Variants in BYSL observed in about 807,000 individuals in gnomAD.
BYSL encodes bystin like, also known as bystin.
In BYSL, 21 loss-of-function variants were observed where a neutral mutation model predicts 45.4. The observed-to-expected ratio is 0.46, with a 90% CI of 0.33 to 0.67. The LOEUF (loss-of-function observed/expected upper bound fraction) is 0.67. BYSL is among the 30% of genes least tolerant of loss of function. The pLI is 0.02. For missense variants in BYSL, 522 were observed against 578.5 expected, an observed-to-expected ratio of 0.90 and a Z score of 1.00; for synonymous variants, 215 against 231.3, an observed-to-expected ratio of 0.93 and a Z score of 0.64.
At chr6:41,931,647 T>C in intron 5 of BYSL, 81 bp from the exon 6 acceptor site, 2 of 1,606,970 alleles carry the variant, frequency 1.2e-6, no homozygotes, top group Non-Finnish European at 1.7e-6. Context: ...TAGCTGTCCC[T>C]GGGCTGGGTG....
upstream of BYSL, among the ~76,000 whole-genome samples, chr6:41,919,476 A>G (rs975413974): frequency 2.0e-5 from 3 of 152,118 alleles, no homozygotes; most frequent in African/African-American, 7.2e-5. Flanking sequence ...CTACTCTATC[A>G]GAAAAAAACA....
chr6:41,932,473 G>A lies in BYSL; in HGVS notation c.1081G>A (p.Val361Ile), dbSNP rs756504787. Residue 361 changes from valine (V) to isoleucine (I), a missense_variant, in exon 7 of 7, where the codon GTC (valine) becomes ATC (isoleucine). Val to Ile is a conservative substitution (Grantham distance 29). Coordinates refer to ENST00000230340, the MANE Select transcript of BYSL (RefSeq NM_004053.4). This position sits in a 1 kb window ranked among gnomAD's most constrained non-coding sequence, Gnocchi z 4.7. The part of the protein sequence containing the change: ...ALPYRVLDAL[V>I]FHFLGFRTEK... ...GCCTTACCGGGTGCTGGATGCCCTA[G>A]TCTTCCACTTCCTGGGGTTCCGGAC... 5.0e-6 allele frequency: 8 copies of A among 1,614,198 alleles called. No homozygotes were observed. The highest frequency in any genetic ancestry group is 6.8e-6 in the Non-Finnish European group (8 of 1,180,040).
chr6:41,930,570 TC>T, intron 3 of BYSL, 64 bp from the exon 4 acceptor site: 1 of 1,551,222 alleles, frequency 6.4e-7, no homozygotes, highest in African/African-American at 1.4e-5. Context: ...CCAGACAAGT[TC>T]CTAGCCCACA....
upstream of BYSL, chr6:41,920,731 AC>A: frequency 2.6e-6 from 1 of 380,244 alleles, no homozygotes. Flanking sequence ...AGATCGCTCC[AC>A]TGCACTCCAG....
chr6:41,930,184 G>T lies in BYSL; in HGVS notation c.484G>T (p.Val162Phe), dbSNP rs750910730. ...MEKLTEKQTE[V>F]ETVMSEVSGF... ...GAAGCTGACTGAGAAGCAGACAGAG[G>T]TTGAGACAGTCATGTCAGAGGTGTC... The change falls in exon 3 of 7, where the codon GTT becomes TTT. Residue 162 changes from valine to phenylalanine, a missense_variant. Val to Phe is a conservative substitution (Grantham distance 50, BLOSUM62 -1). Transcript: ENST00000230340. The T allele has an allele frequency of 6.2e-7, 1 of 1,614,174 alleles. No individual in the cohort carries two copies.
the BYSL span, chr6:41,908,964 A>G: frequency 1.2e-5 from 5 of 411,054 alleles, no homozygotes; most frequent in East Asian, 3.6e-5. Flanking sequence ...GGGAGGATCA[A>G]TTGAGCCCAG....
chr6:41,931,598 T>G lies in BYSL; in HGVS notation c.865+42T>G, dbSNP rs150931026. ...ACGGAAGAAAGGGAAGGGCTGGAGCTTCTATGGGGAACACAGCAGGCCTGG... is the reference window on the plus strand; with the variant it reads ...ACGGAAGAAAGGGAAGGGCTGGAGCGTCTATGGGGAACACAGCAGGCCTGG... On this transcript the variant is annotated intron_variant, in intron 5 of 6. Coordinates refer to ENST00000230340, the MANE Select transcript of BYSL (RefSeq NM_004053.4). 496 of 1,613,716 alleles carry G rather than the reference T, an allele frequency of 3.1e-4. 1 individual carries two copies. The African/African-American group carries it at 5.7e-3, about 19-fold the overall frequency.
upstream of BYSL, chr6:41,917,655 A>T (rs752457419): frequency 9.5e-5 from 40 of 419,198 alleles, no homozygotes; most frequent in Non-Finnish European, 1.8e-4. Flanking sequence ...CAAGTGTGGC[A>T]TGCCAAAGAT....
At chr6:41,917,463 G>A (rs897782885), upstream of BYSL, 12 of 213,690 alleles carry the variant, frequency 5.6e-5, no homozygotes, top group East Asian at 1.5e-3. Context: ...AGTAGAACAA[G>A]GAGTCCAATC....
At chr6:41,909,084 G>A in the BYSL span, 6 of 729,628 alleles carry the variant, frequency 8.2e-6, no homozygotes, top group Admixed American at 1.4e-4. Flanking sequence ...TGAGGCGGAA[G>A]GATCACTTGA....
intron 5 of BYSL, 48 bp from the exon 6 acceptor site, chr6:41,931,680 C>G: frequency 6.2e-7 from 1 of 1,607,448 alleles, no homozygotes; most frequent in Non-Finnish European, 8.5e-7. Context: ...GCTGTAACTC[C>G]TTTTTCTCAT....
Position 41,921,733 on chromosome 6 carries a change from G to C in BYSL, c.171G>C (p.Arg57=), listed in dbSNP as rs777346715. The C allele has an allele frequency of 2.5e-6, 4 of 1,613,628 alleles. No homozygotes were observed. The East Asian group carries it at 8.9e-5, about 36-fold the overall frequency. ...ATGTGGGGCCCCGGCTGAGCCGACGGATTTTGCAGCAAGCACGGCAGCAAC... is the reference window on the plus strand; with the variant it reads ...ATGTGGGGCCCCGGCTGAGCCGACGCATTTTGCAGCAAGCACGGCAGCAAC... ...EEYVGPRLSR[R]ILQQARQQQE... Residue 57 remains arginine, a synonymous_variant, in exon 1 of 7, where the codon CGG becomes CGC. Transcript: ENST00000230340.
At chr6:41,914,022 A>C in the BYSL span, among the ~76,000 whole-genome samples, 1 of 152,222 alleles carries the variant, frequency 6.6e-6, no homozygotes, top group Non-Finnish European at 1.5e-5. Context: ...CTGTACTGGG[A>C]AGAGTCCAAA....
At chr6:41,924,856 A>G (rs1775541272) in intron 1 of BYSL, among the ~76,000 whole-genome samples, 1 of 152,186 alleles carries the variant, frequency 6.6e-6, no homozygotes, top group Non-Finnish European at 1.5e-5. Flanking sequence ...ATGCTGATCT[A>G]GGCTTAGATG....
the BYSL span, among the ~76,000 whole-genome samples, chr6:41,910,762 T>C: frequency 6.6e-6 from 1 of 151,812 alleles, no homozygotes; most frequent in East Asian, 2.0e-4. Context: ...CCCAACACTT[T>C]TCTTAGGGCT....
At chr6:41,914,249 T>C in the BYSL span, among the ~76,000 whole-genome samples, 1 of 151,836 alleles carries the variant, frequency 6.6e-6, no homozygotes, top group African/African-American at 2.4e-5. Flanking sequence ...ACCAAGGAGG[T>C]GAAGACACAG....
the BYSL span, among the ~76,000 whole-genome samples, chr6:41,912,239 C>A: frequency 7.4e-6 from 1 of 136,030 alleles, no homozygotes; most frequent in African/African-American, 2.8e-5. Flanking sequence ...TGAGGTCTTA[C>A]CATCTTGCCT....
intron 2 of BYSL, among the ~76,000 whole-genome samples, chr6:41,928,178 G>A (rs1056243738): frequency 2.0e-5 from 3 of 152,144 alleles, no homozygotes; most frequent in Non-Finnish European, 4.4e-5. Context: ...CATTTAGACT[G>A]CCTGTGGTCA....
chr6:41,921,962 G>A lies in BYSL; in HGVS notation c.268+132G>A, dbSNP rs1775488441. ...CCGTATTACACTTGCAAAGGAGACT[G>A]AACCCTGTCTAGAGCCCTCCGCGTC... On this transcript the variant is annotated intron_variant, in intron 1 of 6. Transcript: ENST00000230340. 40 of 1,331,354 alleles carry A rather than the reference G, an allele frequency of 3.0e-5. 1 individual carries two copies. Among genetic ancestry groups the A allele is most frequent in the Non-Finnish European group, 3.8e-5 (38 of 1,003,648 alleles). 82.5% of individuals were successfully genotyped at this position (1,331,354 alleles called of 1,614,324 possible).
Sources: allele counts gnomAD v4.1 joint callset (sites outside exome capture counted in the v4.1 genomes callset), GRCh38; gene constraint gnomAD v4.1.1; non-coding constraint Gnocchi (gnomAD v3.1); transcripts MANE v1.5; gene names NCBI Gene and HGNC (gene_info 2026-07-23, HGNC 2026-07-21).